NRXN1: variants seen among roughly 807,000 people sequenced by gnomAD.
NRXN1 encodes the protein neurexin 1, also known as neurexin-1.
A neutral mutation model predicts 150.9 loss-of-function variants in NRXN1; 39 were observed. The observed-to-expected ratio is 0.26, with a 90% CI of 0.20 to 0.34. The LOEUF is 0.34. NRXN1 is among the 10% of genes least tolerant of loss of function. The pLI is 1.00. For synonymous variants in NRXN1, 924 were observed against 757.0 expected, an observed-to-expected ratio of 1.22 and a Z score of -3.62; for missense variants, 1,815 against 1,949.9, an observed-to-expected ratio of 0.93 and a Z score of 1.30.
At chr2:50,932,787 C>T (rs1041347906) in intron 2 of NRXN1, among the ~76,000 whole-genome samples, 5 of 152,050 alleles carry the variant, frequency 3.3e-5, no homozygotes, top group African/African-American at 1.2e-4. Flanking sequence ...CTACTGGTAT[C>T]ACTTTTTTTT....
chr2:50,248,667 T>C (rs1246371359), intron 17 of NRXN1, among the ~76,000 whole-genome samples: 1 of 152,164 alleles, frequency 6.6e-6, no homozygotes, highest in African/African-American at 2.4e-5. Flanking sequence ...ATTGTAAATA[T>C]CATTGAAATT....
chr2:50,164,677 A>G (rs1407130220), intron 18 of NRXN1, among the ~76,000 whole-genome samples: 1 of 152,146 alleles, frequency 6.6e-6, no homozygotes, highest in Non-Finnish European at 1.5e-5. Context: ...CAGAGCTATG[A>G]TCAATAGCAA....
At chr2:50,991,748 A>C (rs1388120886) in intron 2 of NRXN1, among the ~76,000 whole-genome samples, 1 of 152,040 alleles carries the variant, frequency 6.6e-6, no homozygotes, top group African/African-American at 2.4e-5. Flanking sequence ...AACGCGATTC[A>C]AGGAGCACGT....
Position 50,620,166 on chromosome 2 carries a change from A to G in NRXN1, c.1176T>C (p.Asp392=). 1.2e-6 allele frequency: 2 copies of G among 1,613,396 alleles called. No individual in the cohort carries two copies. Among genetic ancestry groups the G allele is most frequent in the South Asian group, 1.1e-5 (1 of 91,028 alleles). ...IGHAMVTISV[D]GILTTTGYTQ... is the part of the protein sequence containing the mutation. ...TGTAGCCCGTTGTGGTAAGAATCCC[A>G]TCCACTGATATTGTCACCTAGATAA... is the stretch of plus-strand genomic sequence containing the variant. The change falls in exon 8 of 23, where the codon GAT becomes GAC. Residue 392 remains aspartate (D), a synonymous_variant. Coordinates refer to ENST00000401669, the MANE Select transcript of NRXN1 (RefSeq NM_001330078.2).
chr2:50,879,032 T>C lies in NRXN1; in HGVS notation c.832+42837A>G, dbSNP rs1292297741. 3.3e-5 allele frequency among the ~76,000 whole-genome samples: 5 copies of C among 151,938 alleles called. No individual in the cohort carries two copies. The East Asian group carries it at 5.8e-4, about 18-fold the overall frequency. ...TTGTTTGGTCAAACACTGGTCTAGA[T>C]GTTGTAAAGGTACCCTGTAGATGTA... On this transcript the variant is annotated intron_variant, in intron 5 of 22. Coordinates refer to ENST00000401669, the MANE Select transcript of NRXN1 (RefSeq NM_001330078.2).
chr2:49,935,551 T>C (rs1001788959), intron 22 of NRXN1, among the ~76,000 whole-genome samples: 3 of 152,210 alleles, frequency 2.0e-5, no homozygotes, highest in East Asian at 1.9e-4. Context: ...AGTGATCTAA[T>C]CGACAAGTTA....
intron 5 of NRXN1, among the ~76,000 whole-genome samples, chr2:50,858,586 T>A (rs1273165363): frequency 6.6e-6 from 1 of 151,012 alleles, no homozygotes; most frequent in African/African-American, 2.4e-5. Flanking sequence ...AAAAAAAAAA[T>A]GCGGGTCTTT....
At chr2:50,435,120 C>A (rs76711101) in intron 17 of NRXN1, among the ~76,000 whole-genome samples, 1 of 152,086 alleles carries the variant, frequency 6.6e-6, no homozygotes, top group East Asian at 1.9e-4. Context: ...ATTTTAGAGA[C>A]AGAAAAAAGT....
At chr2:50,907,436 C>G (rs62140654) in intron 5 of NRXN1, among the ~76,000 whole-genome samples, 13,181 of 152,088 alleles carry the variant, frequency 0.087, 646 homozygotes, top group South Asian at 0.12. Flanking sequence ...TTCATTACAG[C>G]AGTGTTGGCT....
chr2:50,813,406 T>C (rs1246305424), intron 5 of NRXN1, among the ~76,000 whole-genome samples: 1 of 152,166 alleles, frequency 6.6e-6, no homozygotes, highest in South Asian at 2.1e-4. Flanking sequence ...AATCAGTTTC[T>C]AGCTTCCTTT....
intron 17 of NRXN1, among the ~76,000 whole-genome samples, chr2:50,288,337 ACCAT>A (rs2072468434): frequency 6.6e-6 from 1 of 152,106 alleles, no homozygotes; most frequent in African/African-American, 2.4e-5. Flanking sequence ...GATGCTGCTA[ACCAT>A]CCTACAATGC....
chr2:50,910,669 C>A (rs559624746), intron 5 of NRXN1, among the ~76,000 whole-genome samples: 4 of 151,846 alleles, frequency 2.6e-5, no homozygotes, highest in East Asian at 3.9e-4. Flanking sequence ...TAAATGCAAT[C>A]CAGCTAAAGA....
chr2:50,961,610 A>G (rs912751833), intron 2 of NRXN1, among the ~76,000 whole-genome samples: 1 of 151,862 alleles, frequency 6.6e-6, no homozygotes, highest in African/African-American at 2.4e-5. Context: ...AAGAAAGGCT[A>G]TAATATGATT....
intron 18 of NRXN1, among the ~76,000 whole-genome samples, chr2:50,223,174 T>C (rs1171342516): frequency 6.6e-6 from 1 of 151,840 alleles, no homozygotes; most frequent in Non-Finnish European, 1.5e-5. Context: ...CTTAGAAGAA[T>C]ACCAAAAAAT....
intron 17 of NRXN1, among the ~76,000 whole-genome samples, chr2:50,258,509 C>T (rs917643091): frequency 6.6e-6 from 1 of 151,946 alleles, no homozygotes; most frequent in Non-Finnish European, 1.5e-5. Context: ...CTATTTCTAC[C>T]ACATCTGTAG....
intron 21 of NRXN1, among the ~76,000 whole-genome samples, chr2:50,028,004 T>C (rs1688613143): frequency 6.6e-6 from 1 of 152,076 alleles, no homozygotes; most frequent in Non-Finnish European, 1.5e-5. Flanking sequence ...CAATGTGTCT[T>C]GGGCATAAGT....
chr2:50,211,969 G>C (rs1243297330), intron 18 of NRXN1, among the ~76,000 whole-genome samples: 2 of 151,530 alleles, frequency 1.3e-5, no homozygotes, highest in Non-Finnish European at 3.0e-5. Flanking sequence ...TCATTCATGG[G>C]AGCAAATCAA....
chr2:50,317,477 AT>A (rs564760571), intron 17 of NRXN1, among the ~76,000 whole-genome samples: 2 of 152,008 alleles, frequency 1.3e-5, no homozygotes, highest in African/African-American at 4.8e-5. Flanking sequence ...TCTCCAAAAT[AT>A]AAGAGACAAC....
At chr2:50,594,015 T>G (rs899229807) in intron 8 of NRXN1, among the ~76,000 whole-genome samples, 3 of 152,210 alleles carry the variant, frequency 2.0e-5, no homozygotes, top group African/African-American at 4.8e-5. Context: ...AAATTTGATT[T>G]TGCTTGGCAC....
Sources: gnomAD v4.1 joint callset for allele counts (sites outside exome capture counted in the v4.1 genomes callset) on GRCh38, gnomAD v4.1.1 for gene constraint, MANE v1.5 for transcripts, NCBI Gene and HGNC (gene_info 2026-07-23, HGNC 2026-07-21) for gene names.